The following PIN1 variants were observed in gnomAD, a reference collection of about 807,000 sequenced individuals.
PIN1 encodes peptidyl-prolyl cis-trans isomerase NIMA-interacting 1.
PIN1 carries 8 observed loss-of-function variants against 19.9 expected under a neutral mutation model. The observed-to-expected ratio is 0.40, with a 90% CI of 0.24 to 0.72. The LOEUF (loss-of-function observed/expected upper bound fraction) is 0.72. PIN1 is among the 30% of genes least tolerant of loss of function. PIN1 has a pLI of 0.37. For synonymous variants in PIN1, 86 were observed against 90.8 expected, an observed-to-expected ratio of 0.95 and a Z score of 0.30; for missense variants, 185 against 226.5, an observed-to-expected ratio of 0.82 and a Z score of 1.18.
At position 9,846,706 on chromosome 19, in the gene PIN1, G is replaced by A. The variant is rs941130277; in HGVS notation, c.272-1324G>A. Among the ~76,000 whole-genome samples the A allele has an allele frequency of 3.3e-5, 5 of 152,148 alleles. 1 individual carries two copies. Among genetic ancestry groups the A allele is most frequent in the African/African-American group, 7.2e-5 (3 of 41,426 alleles). On this transcript the variant is annotated intron_variant, in intron 2 of 3. Transcript: ENST00000247970. The surrounding 1 kb of genome is among the most constrained non-coding windows in gnomAD (Gnocchi z 5.9). ...GGCTAGGTCACCCAGCAGTGTTCCC[G>A]TGGGTCTCCAACAGGCTCCAGGCCA...
intron 1 of PIN1, chr19:9,837,924 C>G (rs186929442): frequency 5.6e-6 from 1 of 179,052 alleles, no homozygotes; most frequent in East Asian, 1.5e-4. Context: ...TGAGAGCCAC[C>G]GTGCTTAGCC....
Position 9,835,334 on chromosome 19 carries a change from C to G in PIN1, c.-11C>G. The G allele has an allele frequency of 6.6e-7, 1 of 1,524,330 alleles. No homozygotes were observed. Among genetic ancestry groups the G allele is most frequent in the African/African-American group, 1.4e-5 (1 of 70,832 alleles). The allele number at this position is 1,524,330 out of a possible 1,614,324, so 94.4% of individuals were successfully genotyped here. ...AGCTGAGGCGGAGCAGGCGCTGCGG[C>G]AGGAGGGAAGATGGCGGACGAGGAG... is the stretch of plus-strand genomic sequence containing the variant. On this transcript the variant is annotated 5_prime_UTR_variant, in exon 1 of 4. Coordinates refer to ENST00000247970, the MANE Select transcript of PIN1 (RefSeq NM_006221.4).
In PIN1 at chr19:9,846,124, C is replaced by T. The variant is rs1342728469; in HGVS notation, c.272-1906C>T. The stretch of plus-strand genomic sequence containing the variant: ...CGGAGTCACTGGTGGATGTGTCTGG[C>T]ACAGAGGAGGACCCCGTGGCAGCCC... On this transcript the variant is annotated intron_variant, in intron 2 of 3. Coordinates refer to ENST00000247970, the MANE Select transcript of PIN1 (RefSeq NM_006221.4). The surrounding 1 kb of genome is among the most constrained non-coding windows in gnomAD (Gnocchi z 5.9). 2.6e-5 allele frequency among the ~76,000 whole-genome samples: 4 copies of T among 152,160 alleles called. No homozygotes were observed. The highest frequency in any genetic ancestry group is 1.9e-4 in the East Asian group (1 of 5,182).
At chr19:9,848,213 G>T in intron 3 of PIN1, 73 bp downstream of exon 3, 1 of 878,258 alleles carries the variant, frequency 1.1e-6, no homozygotes, top group Non-Finnish European at 1.9e-6. Flanking sequence ...GGAGGGTCTG[G>T]GCATTGGGCT....
At position 9,846,315 on chromosome 19, in the gene PIN1, G is replaced by A. The variant is rs539394309; in HGVS notation, c.272-1715G>A. Among the ~76,000 whole-genome samples the A allele has an allele frequency of 2.2e-4, 33 of 152,334 alleles. No individual in the cohort carries two copies. Among genetic ancestry groups the A allele is most frequent in the African/African-American group, 7.5e-4 (31 of 41,580 alleles). On this transcript the variant is annotated intron_variant, in intron 2 of 3. Transcript: ENST00000247970. This position sits in a 1 kb window ranked among gnomAD's most constrained non-coding sequence, Gnocchi z 5.9. Reference sequence around the variant, plus strand: ...GGGAGAGCAGAGCAGTAGAGGCTGCGTCATCCCTGGGATGCAGTCCCCATG... The same window carrying A: ...GGGAGAGCAGAGCAGTAGAGGCTGCATCATCCCTGGGATGCAGTCCCCATG...
chr19:9,838,722 C>A lies in PIN1; in HGVS notation c.271+74C>A. 8.1e-7 allele frequency: 1 copy of A among 1,239,624 alleles called. No individual in the cohort carries two copies. The highest frequency in any genetic ancestry group is 1.3e-5 in the South Asian group (1 of 74,234). 76.8% of individuals were successfully genotyped at this position (1,239,624 alleles called of 1,614,324 possible). On this transcript the variant is annotated intron_variant, in intron 2 of 3. Coordinates refer to ENST00000247970, the MANE Select transcript of PIN1 (RefSeq NM_006221.4). This position sits in a 1 kb window ranked among gnomAD's most constrained non-coding sequence, Gnocchi z 5.8. ...AGCCTTTGTAGAAGTCACATCAGAC[C>A]CTTCACCCCAGCTTGCTCAGCTGCC... is the stretch of plus-strand genomic sequence containing the variant.
At chr19:9,845,110 T>C (rs2046206462) in intron 2 of PIN1, among the ~76,000 whole-genome samples, 1 of 152,088 alleles carries the variant, frequency 6.6e-6, no homozygotes, top group Non-Finnish European at 1.5e-5. Flanking sequence ...ACAAGAGGCT[T>C]AAACCAAGGT....
At chr19:9,837,772 A>AC (rs1568358161) in intron 1 of PIN1, 2 of 153,764 alleles carry the variant, frequency 1.3e-5, no homozygotes, top group East Asian at 3.9e-4. Context: ...AGCTGGGATT[A>AC]CAGGTGCCTG....
chr19:9,848,224 C>A (rs758142627), intron 3 of PIN1, 84 bp downstream of exon 3: 1 of 804,936 alleles, frequency 1.2e-6, no homozygotes, highest in Non-Finnish European at 2.2e-6. Context: ...GCATTGGGCT[C>A]CCAGGTGCCA....
At position 9,835,368 on chromosome 19, in the gene PIN1, G is replaced by C. The variant is rs772645473; in HGVS notation, c.24G>C (p.Pro8=). 2.9e-5 allele frequency: 44 copies of C among 1,522,168 alleles called. 2 individuals carry two copies. Among genetic ancestry groups the C allele is most frequent in the Admixed American group, 1.8e-4 (9 of 50,106 alleles). 94.3% of individuals were successfully genotyped at this position (1,522,168 alleles called of 1,614,324 possible). A position where few individuals can be genotyped will look rare whatever the true frequency, so the allele number is the denominator to read the frequency against. ...AGATGGCGGACGAGGAGAAGCTGCC[G>C]CCCGGCTGGGAGAAGCGCATGAGCC... The part of the protein sequence containing the change: MADEEKL[P]PGWEKRMSRS... The change falls in exon 1 of 4, where the codon CCG becomes CCC. Residue 8 remains proline, a synonymous_variant. Coordinates refer to ENST00000247970, the MANE Select transcript of PIN1 (RefSeq NM_006221.4).
chr19:9,844,508 CA>C (rs1220751772), intron 2 of PIN1, among the ~76,000 whole-genome samples: 13 of 152,158 alleles, frequency 8.5e-5, no homozygotes, highest in Non-Finnish European at 1.9e-4. Context: ...AGATAGGTGC[CA>C]TTCTGTTTTG....
chr19:9,841,942 A>G (rs933260992), intron 2 of PIN1, among the ~76,000 whole-genome samples: 11 of 152,168 alleles, frequency 7.2e-5, no homozygotes, highest in African/African-American at 2.7e-4. Flanking sequence ...GAGAGCTGGC[A>G]GAAGGCTGAG....
chr19:9,836,983 T>C, intron 1 of PIN1: 2 of 541,758 alleles, frequency 3.7e-6, no homozygotes, highest in South Asian at 3.0e-5. Context: ...TGAGCTTATT[T>C]AGTGCTTTCT....
intron 1 of PIN1, chr19:9,836,704 C>T (rs2046109796): frequency 3.6e-6 from 2 of 556,144 alleles, no homozygotes; most frequent in African/African-American, 1.9e-5. Flanking sequence ...ATCGGGCCAC[C>T]AGTAATGCTG....
At chr19:9,847,992 C>G (rs201472487) in intron 2 of PIN1, 38 bp from the exon 3 acceptor site, 2 of 1,352,078 alleles carry the variant, frequency 1.5e-6, no homozygotes, top group East Asian at 4.6e-5. Flanking sequence ...CCCCCCCAAC[C>G]CCTGACCTGG....
At position 9,838,653 on chromosome 19, in the gene PIN1, G is replaced by A; in HGVS notation, c.271+5G>A. 6.5e-7 allele frequency: 1 copy of A among 1,537,882 alleles called. No homozygotes were observed. Among genetic ancestry groups the A allele is most frequent in the Non-Finnish European group, 8.7e-7 (1 of 1,144,146 alleles). ...AGGCCCTGGAGCTGATCAACGGTGA[G>A]CAGGGCGAGGGCAGGGGCTTGGGAG... On this transcript the variant is annotated splice_donor_5th_base_variant and intron_variant, in intron 2 of 3. Coordinates refer to ENST00000247970, the MANE Select transcript of PIN1 (RefSeq NM_006221.4). This position sits in a 1 kb window ranked among gnomAD's most constrained non-coding sequence, Gnocchi z 5.8.
intron 3 of PIN1, chr19:9,848,713 G>T: frequency 3.3e-6 from 1 of 300,424 alleles, no homozygotes. Flanking sequence ...AGTGGGGTGG[G>T]GCGGCAGCAT....
intron 2 of PIN1, among the ~76,000 whole-genome samples, chr19:9,845,244 T>TTTTGTTTGTTTG (rs3837946): frequency 1.3e-3 from 159 of 122,370 alleles, no homozygotes; most frequent in African/African-American, 1.9e-3. Flanking sequence ...AAGAAAGCGT[T>TTTTGTTTGTTTG]TTTGTTTGTT....
chr19:9,841,159 A>G (rs954286718), intron 2 of PIN1, among the ~76,000 whole-genome samples: 44 of 152,296 alleles, frequency 2.9e-4, no homozygotes, highest in South Asian at 2.1e-4. Context: ...GGATGTTATT[A>G]CATATGCACA....
Sources: gnomAD v4.1 joint callset for allele counts (sites outside exome capture counted in the v4.1 genomes callset) on GRCh38, gnomAD v4.1.1 for gene constraint, Gnocchi (gnomAD v3.1) non-coding constraint, MANE v1.5 for transcripts, NCBI Gene and HGNC (gene_info 2026-07-23, HGNC 2026-07-21) for gene names.